PCDHGC4: variants seen among roughly 807,000 people sequenced by gnomAD.
PCDHGC4 encodes the protein protocadherin gamma subfamily C, 4, also known as protocadherin gamma-C4.
In PCDHGC4, 15 loss-of-function variants were observed where a neutral mutation model predicts 59.7. The ratio of observed to expected loss-of-function variants is 0.25; its 90% CI spans 0.17 to 0.39. The LOEUF is 0.39. Among genes scored for constraint, PCDHGC4 ranks in the 10% least tolerant of loss-of-function variants. The probability of loss-of-function intolerance (pLI) is 1.00; values close to 1 mark genes in which losing one functional copy is unlikely to be tolerated. For synonymous variants in PCDHGC4, 434 were observed against 481.4 expected (o/e 0.90, Z 1.29); for missense variants, 1,016 against 1,189.5 (o/e 0.85, Z 2.15).
At position 141,510,984 on chromosome 5, in the gene PCDHGC4, C is replaced by T. The variant is rs375865663; in HGVS notation, c.2628C>T (p.Ala876=). The change falls in exon 4 of 4, where the codon GCC becomes GCT. Residue 876 remains alanine (A), a synonymous_variant. Coordinates refer to ENST00000306593, the MANE Select transcript of PCDHGC4 (RefSeq NM_018928.3). ...GGAGCTCCACCCTGGGAGGGGGTGC[C>T]GGCACCATGGGATTGAGCGCCCGCT... The part of the protein sequence containing the change: ...ADGSSTLGGG[A]GTMGLSARYG... 20 of 1,614,044 alleles carry T rather than the reference C, an allele frequency of 1.2e-5. No homozygotes were observed. The East Asian group carries it at 1.6e-4, about 13-fold the overall frequency.
Position 141,487,003 on chromosome 5 carries a change from C to T in PCDHGC4, c.1830C>T (p.Leu610=). The stretch of plus-strand genomic sequence containing the variant: ...ACAATGCTTGGGTTTCCTATCAGCT[C>T]CTGGAGGCCCCAGATCCCAGCCTGT... ...SGYNAWVSYQ[L]LEAPDPSLFA... The change falls in exon 1 of 4, where the codon CTC becomes CTT. Residue 610 remains leucine, a synonymous_variant. Transcript: ENST00000306593. The surrounding 1 kb of genome is among the most constrained non-coding windows in gnomAD (Gnocchi z 5.0). 1 of 1,614,228 alleles carries T rather than the reference C, an allele frequency of 6.2e-7. No homozygotes were observed.
Position 141,486,914 on chromosome 5 carries a change from C to T in PCDHGC4, c.1741C>T (p.Pro581Ser), listed in dbSNP as rs1469857080. Residue 581 changes from proline to serine, a missense_variant, in exon 1 of 4, where the codon CCT (proline) becomes TCT (serine). Coordinates refer to ENST00000306593, the MANE Select transcript of PCDHGC4 (RefSeq NM_018928.3). This position sits in a 1 kb window ranked among gnomAD's most constrained non-coding sequence, Gnocchi z 5.0. ...RPGSLCPQALPPSVGAGHLIT... is the reference protein window; with the variant it reads ...RPGSLCPQALSPSVGAGHLIT... ...TGGTTCCTTATGTCCCCAAGCACTG[C>T]CTCCATCAGTTGGTGCTGGCCACCT... The T allele has an allele frequency of 6.2e-7, 1 of 1,614,236 alleles. No individual in the cohort carries two copies.
chr5:141,506,372 C>A (rs1243713695), intron 3 of PCDHGC4, among the ~76,000 whole-genome samples: 1 of 151,402 alleles, frequency 6.6e-6, no homozygotes, highest in Non-Finnish European at 1.5e-5. Context: ...TCGCTTGAAC[C>A]TGGGAGGTGG....
At chr5:141,502,356 G>C (rs1443285213) in intron 2 of PCDHGC4, among the ~76,000 whole-genome samples, 4 of 151,838 alleles carry the variant, frequency 2.6e-5, no homozygotes. Flanking sequence ...TAATGACATG[G>C]ATATTTTTAA....
chr5:141,494,237 G>A (rs555725765), intron 1 of PCDHGC4, among the ~76,000 whole-genome samples: 3 of 152,312 alleles, frequency 2.0e-5, no homozygotes, highest in East Asian at 3.9e-4. Flanking sequence ...AATTAATAAT[G>A]TATTTAGCTG....
Position 141,487,682 on chromosome 5 carries a change from G to A in PCDHGC4, c.2442+67G>A, listed in dbSNP as rs757434520. On this transcript the variant is annotated intron_variant, in intron 1 of 3. Transcript: ENST00000306593. This position sits in a 1 kb window ranked among gnomAD's most constrained non-coding sequence, Gnocchi z 5.0. ...TGATCCAGGCATATGGCTAGGCCATGTCCTAGAGAGTACTGGCCTCTCAGT... is the reference window on the plus strand; with the variant it reads ...TGATCCAGGCATATGGCTAGGCCATATCCTAGAGAGTACTGGCCTCTCAGT... The A allele has an allele frequency of 1.2e-6, 2 of 1,607,256 alleles. No individual in the cohort carries two copies. Among genetic ancestry groups the A allele is most frequent in the East Asian group, 4.5e-5 (2 of 44,762 alleles).
At position 141,498,920 on chromosome 5, in the gene PCDHGC4, G is replaced by A. The variant is rs930391165; in HGVS notation, c.2501+4055G>A. On this transcript the variant is annotated intron_variant, in intron 2 of 3. Transcript: ENST00000306593. ...TGCACTCCAGTCTGGGTGACAGAGC[G>A]AGACTCCATCAGGAAAGAAAGAAAG... 3.3e-4 allele frequency among the ~76,000 whole-genome samples: 47 copies of A among 142,950 alleles called. 1 individual carries two copies. Among genetic ancestry groups the A allele is most frequent in the African/African-American group, 8.9e-4 (35 of 39,160 alleles). The allele number at this position is 142,950 out of a possible 152,430, so 93.8% of individuals were successfully genotyped here. A position where few individuals can be genotyped will look rare whatever the true frequency, so the allele number is the denominator to read the frequency against.
intron 2 of PCDHGC4, among the ~76,000 whole-genome samples, chr5:141,503,432 TA>T (rs1423418926): frequency 6.6e-6 from 1 of 151,668 alleles, no homozygotes; most frequent in African/African-American, 2.4e-5. Flanking sequence ...CCATCTCTAC[TA>T]AAAATACAAA....
chr5:141,494,740 T>C, intron 1 of PCDHGC4, 67 bp from the exon 2 acceptor site: 1 of 1,612,194 alleles, frequency 6.2e-7, no homozygotes, highest in Non-Finnish European at 8.5e-7. Context: ...GGCCCATCCC[T>C]AGGGGCTCGG....
chr5:141,499,563 A>C (rs979866448), intron 2 of PCDHGC4, among the ~76,000 whole-genome samples: 3 of 152,242 alleles, frequency 2.0e-5, no homozygotes, highest in Non-Finnish European at 2.9e-5. Context: ...ACCACTATCC[A>C]GCTTCAACTA....
rs560733170 is a variant in PCDHGC4, at chr5:141,503,895, A to G, written c.2502-1498A>G. ...TTGTGCTCACCCACCATGACAAAATATGCACACACACAACGCAACACACAC... is the reference window on the plus strand; with the variant it reads ...TTGTGCTCACCCACCATGACAAAATGTGCACACACACAACGCAACACACAC... On this transcript the variant is annotated intron_variant, in intron 2 of 3. Transcript: ENST00000306593. Among the ~76,000 whole-genome samples, 12 of 152,302 alleles carry G rather than the reference A, an allele frequency of 7.9e-5. No individual in the cohort carries two copies. The South Asian group carries it at 2.1e-3, about 26-fold the overall frequency.
intron 1 of PCDHGC4, 82 bp from the exon 2 acceptor site, chr5:141,494,725 C>T: frequency 6.2e-7 from 1 of 1,610,026 alleles, no homozygotes; most frequent in Middle Eastern, 1.7e-4. Context: ...CCCTCCTTCT[C>T]TCCCGGCCCA....
Position 141,489,375 on chromosome 5 carries a change from G to C in PCDHGC4, c.2442+1760G>C. On this transcript the variant is annotated intron_variant, in intron 1 of 3. Coordinates refer to ENST00000306593, the MANE Select transcript of PCDHGC4 (RefSeq NM_018928.3). The surrounding 1 kb of genome is among the most constrained non-coding windows in gnomAD (Gnocchi z 4.5). ...AGGAGTCTGAGCCGGGGACGCTGGT[G>C]GGGAATGTTGCTCAGGATCTGGGCT... 1 of 1,613,826 alleles carries C rather than the reference G, an allele frequency of 6.2e-7. No homozygotes were observed.
At chr5:141,499,115 C>T (rs940275925) in intron 2 of PCDHGC4, among the ~76,000 whole-genome samples, 16 of 152,124 alleles carry the variant, frequency 1.1e-4, no homozygotes, top group African/African-American at 3.9e-4. Context: ...CACCACTATC[C>T]CTTCTCAGGT....
At chr5:141,508,662 T>G (rs2099870759) in intron 3 of PCDHGC4, among the ~76,000 whole-genome samples, 1 of 152,122 alleles carries the variant, frequency 6.6e-6, no homozygotes, top group Non-Finnish European at 1.5e-5. Context: ...CCTGTCATTC[T>G]GTCTCTGCCT....
rs2099735960 is a variant in PCDHGC4 at position 141,491,997 on chromosome 5, G to A, written c.2443-2810G>A. On this transcript the variant is annotated intron_variant, in intron 1 of 3. Transcript: ENST00000306593. The surrounding 1 kb of genome is among the most constrained non-coding windows in gnomAD (Gnocchi z 6.9). ...CCTTCGAGCTTCCGGTGAATTTCGG[G>A]CGATTTCCGCGGGTGTCGGGGGTCC... The A allele has an allele frequency of 1.5e-6, 1 of 671,074 alleles. No homozygotes were observed. The allele number at this position is 671,074 out of a possible 1,614,324, so 41.6% of individuals were successfully genotyped here.
rs1264688160 is a variant in PCDHGC4, at chr5:141,493,193, G to A, written c.2443-1614G>A. 6.6e-6 allele frequency among the ~76,000 whole-genome samples: 1 copy of A among 152,128 alleles called. No individual in the cohort carries two copies. On this transcript the variant is annotated intron_variant, in intron 1 of 3. Transcript: ENST00000306593. This position sits in a 1 kb window ranked among gnomAD's most constrained non-coding sequence, Gnocchi z 4.3. ...GAGAAACTTACTATATAACTCCTTT[G>A]AGAACCTCATCTCATTTGCTCTTCC...
chr5:141,492,064 C>T (rs1562152072), intron 1 of PCDHGC4: 3 of 484,366 alleles, frequency 6.2e-6, no homozygotes, highest in Non-Finnish European at 1.1e-5. Context: ...AGCCAGCCTC[C>T]TAGGCGCCGG....
Position 141,507,906 on chromosome 5 carries a change from G to A in PCDHGC4, c.2590+2425G>A, listed in dbSNP as rs2099864753. ...AGAGAGGTTCCTGAAGTCCAGCCCA[G>A]CCAGGCCTGTGGGGCTGCTGAGAGG... On this transcript the variant is annotated intron_variant, in intron 3 of 3. Coordinates refer to ENST00000306593, the MANE Select transcript of PCDHGC4 (RefSeq NM_018928.3). Among the ~76,000 whole-genome samples, 4 of 152,216 alleles carry A rather than the reference G, an allele frequency of 2.6e-5. No homozygotes were observed. The South Asian group carries it at 8.3e-4, about 32-fold the overall frequency.
Sources: gnomAD v4.1 joint callset for allele counts (sites outside exome capture counted in the v4.1 genomes callset) on GRCh38, gnomAD v4.1.1 for gene constraint, Gnocchi (gnomAD v3.1) non-coding constraint, MANE v1.5 for transcripts, NCBI Gene and HGNC (gene_info 2026-07-23, HGNC 2026-07-21) for gene names.